The following COBL variants were observed in gnomAD, a reference collection of about 807,000 sequenced individuals.
COBL encodes the protein protein cordon-bleu.
Under a neutral mutation model 98.8 loss-of-function variants are expected in COBL, and 51 were observed. The ratio of observed to expected loss-of-function variants is 0.52; its 90% CI spans 0.41 to 0.65. The LOEUF (loss-of-function observed/expected upper bound fraction) is 0.65, where lower values mean the gene tolerates loss of function less well. Among genes scored for constraint, COBL ranks in the 30% least tolerant of loss-of-function variants. The pLI is 0.00. For missense variants in COBL, 1,617 were observed against 1,617.5 expected, an observed-to-expected ratio of 1.00 and a Z score of 0.01; for synonymous variants, 634 against 651.7, an observed-to-expected ratio of 0.97 and a Z score of 0.41.
intron 1 of COBL, among the ~76,000 whole-genome samples, chr7:51,247,437 T>C (rs1796353810): frequency 6.6e-6 from 1 of 152,046 alleles, no homozygotes; most frequent in Admixed American, 6.5e-5. Context: ...GTGTTGAAAA[T>C]TGGAAACGAA....
At chr7:51,071,972 TTC>T (rs1299374875) in intron 7 of COBL, 1 of 152,136 alleles carries the variant, frequency 6.6e-6, no homozygotes, top group South Asian at 2.1e-4. Flanking sequence ...TTCTGTAACT[TTC>T]TGTTTTTTTC....
intron 2 of COBL, among the ~76,000 whole-genome samples, chr7:51,204,667 C>G (rs1791495989): frequency 1.3e-5 from 2 of 151,736 alleles, no homozygotes; most frequent in African/African-American, 4.8e-5. Context: ...TCTGCTGCCT[C>G]AGCCTCCCAA....
At chr7:51,035,176 A>G (rs944649504) in intron 8 of COBL, 4 of 152,242 alleles carry the variant, frequency 2.6e-5, no homozygotes, top group Non-Finnish European at 4.4e-5. Flanking sequence ...GCCTCCAGCA[A>G]AAACGAGAAC....
intron 2 of COBL, among the ~76,000 whole-genome samples, chr7:51,211,173 G>A (rs1563043934): frequency 6.6e-6 from 1 of 152,172 alleles, no homozygotes; most frequent in Non-Finnish European, 1.5e-5. Context: ...CACCTCCTGG[G>A]TCTGACCTCT....
chr7:51,307,078 C>T (rs1186567369), intron 1 of COBL, among the ~76,000 whole-genome samples: 2 of 152,198 alleles, frequency 1.3e-5, no homozygotes, highest in Non-Finnish European at 2.9e-5. Flanking sequence ...GGTGCAGTGG[C>T]TCAGGCCCAT....
intron 6 of COBL, among the ~76,000 whole-genome samples, chr7:51,089,101 A>C (rs1395482317): frequency 6.6e-6 from 1 of 152,168 alleles, no homozygotes; most frequent in Non-Finnish European, 1.5e-5. Flanking sequence ...GGTCATGTGC[A>C]AACAAACATG....
At chr7:51,102,550 T>G (rs1795899277) in intron 6 of COBL, among the ~76,000 whole-genome samples, 1 of 152,190 alleles carries the variant, frequency 6.6e-6, no homozygotes, top group South Asian at 2.1e-4. Context: ...GGTGTGTTTA[T>G]CTTCCATGTC....
At chr7:51,245,651 A>C (rs1796221000) in intron 1 of COBL, among the ~76,000 whole-genome samples, 2 of 152,246 alleles carry the variant, frequency 1.3e-5, no homozygotes, top group Non-Finnish European at 2.9e-5. Flanking sequence ...ACCATTTACA[A>C]GGTAATTCCT....
At chr7:51,067,876 C>T (rs566833832) in intron 7 of COBL, among the ~76,000 whole-genome samples, 6 of 152,334 alleles carry the variant, frequency 3.9e-5, no homozygotes, top group Non-Finnish European at 7.4e-5. Context: ...CTGAAATGTG[C>T]GGGTAAAGTC....
chr7:51,215,076 T>C (rs546488564), intron 2 of COBL, among the ~76,000 whole-genome samples: 8 of 152,164 alleles, frequency 5.3e-5, no homozygotes, highest in African/African-American at 1.2e-4. Context: ...ACTCAGTATA[T>C]ATTTTGACCC....
intron 8 of COBL, among the ~76,000 whole-genome samples, chr7:51,042,038 G>A (rs1014664483): frequency 7.2e-5 from 11 of 152,136 alleles, no homozygotes; most frequent in Non-Finnish European, 1.6e-4. Context: ...GAATCAGTGG[G>A]AAAAAATAGA....
intron 1 of COBL, among the ~76,000 whole-genome samples, chr7:51,265,412 G>T (rs1214290450): frequency 6.6e-6 from 1 of 152,194 alleles, no homozygotes; most frequent in Non-Finnish European, 1.5e-5. Flanking sequence ...CCGCCACCAG[G>T]CTTAGGGCAG....
intron 1 of COBL, among the ~76,000 whole-genome samples, chr7:51,297,114 A>C (rs1355230163): frequency 6.6e-6 from 1 of 152,064 alleles, no homozygotes; most frequent in African/African-American, 2.4e-5. Context: ...TTCTACTCCA[A>C]AGCTCCTCGG....
In COBL at chr7:51,219,842, C is replaced by T. The variant is rs1480686027; in HGVS notation, c.144G>A (p.Gln48=). Residue 48 remains glutamine (Q), a synonymous_variant, in exon 2 of 13, where the codon CAG becomes CAA. Coordinates refer to ENST00000265136, the MANE Select transcript of COBL (RefSeq NM_015198.5). ...KPPHDGALGS[Q]QNLVRMKEAL... Reference sequence around the variant, plus strand: ...CCTCCTTCATGCGAACCAAGTTCTGCTGCGACCCGAGGGCCCCATCGTGGG... The same window carrying T: ...CCTCCTTCATGCGAACCAAGTTCTGTTGCGACCCGAGGGCCCCATCGTGGG... The T allele has an allele frequency of 1.9e-6, 3 of 1,614,028 alleles. No homozygotes were observed. The highest frequency in any genetic ancestry group is 3.3e-5 in the Admixed American group (2 of 60,028).
At chr7:51,297,856 G>A (rs905175592) in intron 1 of COBL, among the ~76,000 whole-genome samples, 20 of 152,280 alleles carry the variant, frequency 1.3e-4, no homozygotes, top group Admixed American at 2.0e-4. Context: ...TTTTTAATGC[G>A]TCTTCACTAG....
chr7:51,141,530 G>A (rs1799747218), intron 5 of COBL, among the ~76,000 whole-genome samples: 1 of 152,132 alleles, frequency 6.6e-6, no homozygotes, highest in Non-Finnish European at 1.5e-5. Flanking sequence ...CAGCTCCCTA[G>A]TGATAGAATA....
intron 7 of COBL, among the ~76,000 whole-genome samples, chr7:51,048,757 C>G (rs1424433696): frequency 6.6e-6 from 1 of 152,076 alleles, no homozygotes; most frequent in African/African-American, 2.4e-5. Context: ...TATCCTTGTG[C>G]TAATAGAAAA....
At chr7:51,147,813 C>T (rs949743010) in intron 5 of COBL, among the ~76,000 whole-genome samples, 2 of 151,212 alleles carry the variant, frequency 1.3e-5, no homozygotes, top group Admixed American at 6.6e-5. Context: ...TGCAGTGGCG[C>T]GATCTCGGCT....
rs534914450 is a variant in COBL, at chr7:51,018,872, C to T, written c.3769-1304G>A. On this transcript the variant is annotated intron_variant, in intron 12 of 12. Transcript: ENST00000265136. ...CACCATTGCACTCCAGCCTGGGCAA[C>T]AAGAGAGAAACTCCATCTCAAAAAA... Among the ~76,000 whole-genome samples, 4 of 85,228 alleles carry T rather than the reference C, an allele frequency of 4.7e-5. No individual in the cohort carries two copies. The East Asian group carries it at 1.1e-3, about 23-fold the overall frequency. 55.9% of individuals were successfully genotyped at this position (85,228 alleles called of 152,430 possible).
Sources: allele counts gnomAD v4.1 joint callset (sites outside exome capture counted in the v4.1 genomes callset), GRCh38; gene constraint gnomAD v4.1.1; transcripts MANE v1.5; gene names NCBI Gene and HGNC (gene_info 2026-07-23, HGNC 2026-07-21).